SYN2: variants seen among roughly 807,000 people sequenced by gnomAD.
SYN2 encodes the protein synapsin-2.
Under a neutral mutation model 50.9 loss-of-function variants are expected in SYN2, and 19 were observed. The observed-to-expected ratio is 0.37, with a 90% CI of 0.26 to 0.55. The LOEUF is 0.55. SYN2 is among the 20% of genes least tolerant of loss of function. The pLI is 0.81. For synonymous variants in SYN2, 255 were observed against 224.9 expected (o/e 1.13, Z -1.20); for missense variants, 587 against 576.4 (o/e 1.02, Z -0.19).
In SYN2 at chr3:12,043,874, C is replaced by T. The variant is rs1282352465; in HGVS notation, c.377+38946C>T. Among the ~76,000 whole-genome samples the T allele has an allele frequency of 3.9e-5, 6 of 152,124 alleles. 1 individual carries two copies. The highest frequency in any genetic ancestry group is 3.9e-4 in the Admixed American group (6 of 15,272). On this transcript the variant is annotated intron_variant, in intron 1 of 12. Coordinates refer to ENST00000621198, the MANE Select transcript of SYN2 (RefSeq NM_133625.6). ...TAGATTTCTTTACCTAATATTTTAT[C>T]TGTTTCTCTCTCTCAACTGAACCTC...
intron 1 of SYN2, among the ~76,000 whole-genome samples, chr3:12,113,497 A>G (rs1427315852): frequency 1.3e-5 from 2 of 152,156 alleles, no homozygotes; most frequent in Admixed American, 6.6e-5. Context: ...AACCATTTTA[A>G]GGTGTACAAT....
At chr3:12,043,465 A>G (rs1232426322) in intron 1 of SYN2, among the ~76,000 whole-genome samples, 3 of 152,182 alleles carry the variant, frequency 2.0e-5, no homozygotes, top group African/African-American at 7.2e-5. Context: ...AACCCGGTAT[A>G]TTTTAGGCAC....
At chr3:12,115,045 T>C (rs1166820105) in intron 1 of SYN2, among the ~76,000 whole-genome samples, 10 of 152,202 alleles carry the variant, frequency 6.6e-5, no homozygotes, top group Admixed American at 6.5e-4. Flanking sequence ...CTTATTACCC[T>C]GAAATGACTT....
At chr3:12,070,982 C>A (rs965190982) in intron 1 of SYN2, 7 of 548,360 alleles carry the variant, frequency 1.3e-5, no homozygotes, top group African/African-American at 9.5e-5. Flanking sequence ...CTGGTCATCA[C>A]CATTGGCAAC....
chr3:12,069,403 C>T (rs2125167283), intron 1 of SYN2, among the ~76,000 whole-genome samples: 1 of 152,214 alleles, frequency 6.6e-6, no homozygotes, highest in African/African-American at 2.4e-5. Flanking sequence ...CACATGCCAC[C>T]ACGTGTGGCT....
chr3:12,143,952 C>T (rs1339972554), intron 3 of SYN2, among the ~76,000 whole-genome samples: 1 of 152,218 alleles, frequency 6.6e-6, no homozygotes, highest in Non-Finnish European at 1.5e-5. Flanking sequence ...GCTCCTTCAA[C>T]CCTCACTTTA....
chr3:12,186,354 G>C (rs1265768423), intron 11 of SYN2, among the ~76,000 whole-genome samples: 1 of 152,146 alleles, frequency 6.6e-6, no homozygotes, highest in East Asian at 1.9e-4. Context: ...AGGCAATCTG[G>C]TACCACCTTA....
At chr3:12,105,298 C>G (rs1341293776) in intron 1 of SYN2, among the ~76,000 whole-genome samples, 1 of 151,976 alleles carries the variant, frequency 6.6e-6, no homozygotes, top group African/African-American at 2.4e-5. Flanking sequence ...CTGCTGAACT[C>G]ATTTTTGGCC....
chr3:12,027,440 G>C (rs1265164310), intron 1 of SYN2, among the ~76,000 whole-genome samples: 1 of 152,058 alleles, frequency 6.6e-6, no homozygotes, highest in East Asian at 1.9e-4. Context: ...TATCATTTGT[G>C]ATCTTGAGAT....
chr3:12,127,559 C>G (rs2125206893), intron 1 of SYN2, among the ~76,000 whole-genome samples: 1 of 152,344 alleles, frequency 6.6e-6, no homozygotes, highest in East Asian at 1.9e-4. Context: ...GTTCTCCCAG[C>G]CTGCCAAAAT....
chr3:12,005,698 C>G (rs1027929550), intron 1 of SYN2, among the ~76,000 whole-genome samples: 4 of 150,812 alleles, frequency 2.7e-5, no homozygotes, highest in African/African-American at 9.8e-5. Flanking sequence ...TATACTGGAT[C>G]ATTAAAGGGG....
At chr3:12,020,739 T>G (rs1279153300) in intron 1 of SYN2, among the ~76,000 whole-genome samples, 1 of 152,204 alleles carries the variant, frequency 6.6e-6, no homozygotes, top group Non-Finnish European at 1.5e-5. Context: ...ATTTTGAGGT[T>G]TCCCATGTAC....
intron 1 of SYN2, among the ~76,000 whole-genome samples, chr3:12,107,950 C>T (rs765114147): frequency 4.9e-4 from 75 of 152,170 alleles, no homozygotes; most frequent in Non-Finnish European, 1.0e-3. Context: ...GTGGTTTATG[C>T]CTGTAATCCC....
At chr3:12,056,856 T>C (rs1403617515) in intron 1 of SYN2, among the ~76,000 whole-genome samples, 2 of 152,190 alleles carry the variant, frequency 1.3e-5, no homozygotes, top group African/African-American at 2.4e-5. Flanking sequence ...TCCTAAAAAG[T>C]TGTGTCCTTT....
At chr3:12,184,669 G>C in intron 11 of SYN2, 1 of 985,914 alleles carries the variant, frequency 1.0e-6, no homozygotes. Flanking sequence ...TTGGACAGAG[G>C]CTCCACAGCG....
At chr3:12,011,538 C>T (rs750066055) in intron 1 of SYN2, among the ~76,000 whole-genome samples, 1 of 152,324 alleles carries the variant, frequency 6.6e-6, no homozygotes, top group Non-Finnish European at 1.5e-5. Flanking sequence ...TGTTGCTTGA[C>T]AGCAGGCATT....
intron 1 of SYN2, among the ~76,000 whole-genome samples, chr3:12,083,505 T>C (rs1201615118): frequency 6.6e-6 from 1 of 152,208 alleles, no homozygotes; most frequent in East Asian, 1.9e-4. Flanking sequence ...CTAGGGACAA[T>C]AGGAATGTTT....
intron 1 of SYN2, among the ~76,000 whole-genome samples, chr3:12,084,036 G>A (rs1284201785): frequency 2.0e-5 from 3 of 151,996 alleles, no homozygotes; most frequent in African/African-American, 7.2e-5. Flanking sequence ...CCCTGTTTAT[G>A]GCATCTCTGT....
At chr3:12,107,288 T>C (rs1696213572) in intron 1 of SYN2, among the ~76,000 whole-genome samples, 1 of 152,228 alleles carries the variant, frequency 6.6e-6, no homozygotes, top group East Asian at 1.9e-4. Context: ...AATTTATCTT[T>C]GGAATTGAAA....
Sources: gnomAD v4.1 joint callset for allele counts (sites outside exome capture counted in the v4.1 genomes callset) on GRCh38, gnomAD v4.1.1 for gene constraint, MANE v1.5 for transcripts, NCBI Gene and HGNC (gene_info 2026-07-23, HGNC 2026-07-21) for gene names.